JAZF1: variants seen among roughly 807,000 people sequenced by gnomAD.
The protein encoded by JAZF1 is JAZF zinc finger 1, also known as juxtaposed with another zinc finger protein 1.
In JAZF1, 8 loss-of-function variants were observed where a neutral mutation model predicts 26.4. That is an observed-to-expected ratio of 0.30 (90% confidence interval 0.18 to 0.55). JAZF1 has a LOEUF of 0.55. JAZF1 is among the 20% of genes least tolerant of loss of function. The pLI is 0.94. For missense variants in JAZF1, 199 were observed against 322.0 expected (o/e 0.62, Z 2.92); for synonymous variants, 126 against 122.3 (o/e 1.03, Z -0.20).
chr7:28,112,548 G>T (rs544211413), intron 1 of JAZF1, among the ~76,000 whole-genome samples: 37 of 151,160 alleles, frequency 2.4e-4, no homozygotes, highest in African/African-American at 8.1e-4. Context: ...TGTGACAAAA[G>T]AAATGCTACA....
chr7:28,164,150 C>T (rs2127952595), intron 1 of JAZF1, among the ~76,000 whole-genome samples: 1 of 152,328 alleles, frequency 6.6e-6, no homozygotes, highest in South Asian at 2.1e-4. Flanking sequence ...GCCCAACCCA[C>T]AGCAGATTAG....
intron 1 of JAZF1, among the ~76,000 whole-genome samples, chr7:28,100,414 T>C (rs1368697596): frequency 6.6e-6 from 1 of 151,154 alleles, no homozygotes; most frequent in Non-Finnish European, 1.5e-5. Flanking sequence ...AGGTAGAGCA[T>C]ATATATATAC....
At chr7:27,987,612 A>G (rs192254) in intron 2 of JAZF1, among the ~76,000 whole-genome samples, 123,766 of 151,078 alleles carry the variant, frequency 0.82, 51,318 homozygotes, top group African/African-American at 0.96. Flanking sequence ...CGGGAGGGAG[A>G]TGGGGGGTGC....
At chr7:27,882,278 T>C (rs542049708) in intron 3 of JAZF1, among the ~76,000 whole-genome samples, 2 of 151,962 alleles carry the variant, frequency 1.3e-5, no homozygotes, top group African/African-American at 4.8e-5. Context: ...TACCTATGTG[T>C]TCCATACCAA....
At chr7:28,179,389 G>A (rs1451505322) in intron 1 of JAZF1, among the ~76,000 whole-genome samples, 1 of 152,228 alleles carries the variant, frequency 6.6e-6, no homozygotes, top group Non-Finnish European at 1.5e-5. Context: ...GGGTCCAGGC[G>A]TGAAGGGAAA....
chr7:28,095,886 AG>A (rs1288463808), intron 1 of JAZF1, among the ~76,000 whole-genome samples: 2 of 152,198 alleles, frequency 1.3e-5, no homozygotes, highest in African/African-American at 4.8e-5. Context: ...CCTGGCTCAT[AG>A]GCTGGCCCTC....
intron 4 of JAZF1, among the ~76,000 whole-genome samples, chr7:27,835,224 G>A (rs1050328316): frequency 5.9e-5 from 9 of 152,086 alleles, no homozygotes; most frequent in Non-Finnish European, 1.0e-4. Flanking sequence ...AAACAAAAAG[G>A]CACAGCAACT....
chr7:27,934,152 G>A (rs1784728459), intron 2 of JAZF1, among the ~76,000 whole-genome samples: 1 of 152,154 alleles, frequency 6.6e-6, no homozygotes, highest in African/African-American at 2.4e-5. Context: ...TCATTTGTTA[G>A]TCAGGGTGCA....
chr7:27,910,327 A>C (rs1385119570), intron 2 of JAZF1, among the ~76,000 whole-genome samples: 2 of 152,154 alleles, frequency 1.3e-5, no homozygotes, highest in Admixed American at 6.5e-5. Flanking sequence ...TCCCATGCAA[A>C]GCCTGCACAA....
intron 3 of JAZF1, among the ~76,000 whole-genome samples, chr7:27,877,394 G>A (rs1438118143): frequency 2.6e-5 from 4 of 152,148 alleles, no homozygotes; most frequent in Non-Finnish European, 5.9e-5. Flanking sequence ...CGGTCTGAAC[G>A]GGGTATGGGG....
intron 3 of JAZF1, among the ~76,000 whole-genome samples, chr7:27,868,663 A>G (rs1783526571): frequency 2.0e-5 from 3 of 152,176 alleles, no homozygotes; most frequent in African/African-American, 7.2e-5. Context: ...ACTTATAAGC[A>G]TTAACTCTGG....
chr7:27,846,869 T>C (rs1783040545), intron 3 of JAZF1, among the ~76,000 whole-genome samples: 1 of 152,254 alleles, frequency 6.6e-6, no homozygotes. Flanking sequence ...TTATCAGATA[T>C]ATGGTTTGCA....
intron 2 of JAZF1, among the ~76,000 whole-genome samples, chr7:27,921,993 CGAAT>C (rs1402891272): frequency 2.6e-5 from 4 of 152,166 alleles, no homozygotes; most frequent in African/African-American, 7.2e-5. Flanking sequence ...AGTTTTCATT[CGAAT>C]GAATGAAGTG....
intron 1 of JAZF1, among the ~76,000 whole-genome samples, chr7:28,148,907 G>A (rs1022960739): frequency 1.3e-5 from 2 of 152,200 alleles, no homozygotes; most frequent in Non-Finnish European, 2.9e-5. Context: ...TGCGGTTTAC[G>A]CAGTCAGAAA....
At chr7:27,848,328 T>G (rs1783066670) in intron 3 of JAZF1, among the ~76,000 whole-genome samples, 1 of 151,492 alleles carries the variant, frequency 6.6e-6, no homozygotes, top group Non-Finnish European at 1.5e-5. Flanking sequence ...GATTGTTGTC[T>G]TGATTTCTTT....
chr7:27,954,157 G>C (rs949748607), intron 2 of JAZF1, among the ~76,000 whole-genome samples: 4 of 152,214 alleles, frequency 2.6e-5, no homozygotes, highest in African/African-American at 4.8e-5. Context: ...TTGTCCTTCT[G>C]TAGTAGCCCA....
At chr7:27,880,640 T>TG (rs111953905) in intron 3 of JAZF1, among the ~76,000 whole-genome samples, 56 of 151,662 alleles carry the variant, frequency 3.7e-4, no homozygotes, top group African/African-American at 1.4e-3. Flanking sequence ...CGGGGGATGG[T>TG]GGGGAAAGGT....
intron 1 of JAZF1, among the ~76,000 whole-genome samples, chr7:28,063,489 A>G (rs981034359): frequency 6.6e-6 from 1 of 152,148 alleles, no homozygotes; most frequent in Non-Finnish European, 1.5e-5. Context: ...ATAACAAAAA[A>G]TTTCCTCCAA....
chr7:27,968,720 A>G (rs1239614194), intron 2 of JAZF1, among the ~76,000 whole-genome samples: 2 of 152,228 alleles, frequency 1.3e-5, no homozygotes, highest in Non-Finnish European at 2.9e-5. Context: ...TCTAGCAAAG[A>G]TTAATGCAAT....
Sources: allele counts gnomAD v4.1 joint callset (sites outside exome capture counted in the v4.1 genomes callset), GRCh38; gene constraint gnomAD v4.1.1; transcripts MANE v1.5; gene names NCBI Gene and HGNC (gene_info 2026-07-23, HGNC 2026-07-21).